SLC38A4: variants seen among roughly 807,000 people sequenced by gnomAD.
SLC38A4 encodes solute carrier family 38 member 4.
In SLC38A4, 20 loss-of-function variants were observed where a neutral mutation model predicts 63.1. The ratio of observed to expected loss-of-function variants is 0.32; its 90% CI spans 0.22 to 0.46. The LOEUF (loss-of-function observed/expected upper bound fraction) is 0.46. Ranked by LOEUF, SLC38A4 falls within the 20% of genes least tolerant of loss-of-function variation. The probability of loss-of-function intolerance (pLI) is 1.00; values close to 1 mark genes in which losing one functional copy is unlikely to be tolerated. For missense variants in SLC38A4, 526 were observed against 663.6 expected, an observed-to-expected ratio of 0.79 and a Z score of 2.28; for synonymous variants, 230 against 225.5, an observed-to-expected ratio of 1.02 and a Z score of -0.18.
chr12:46,787,890 A>G, intron 5 of SLC38A4, 26 bp downstream of exon 5: 1 of 1,525,996 alleles, frequency 6.6e-7, no homozygotes. Flanking sequence ...CTTCATCACC[A>G]AATGTAGACA....
In SLC38A4 at chr12:46,821,965, C is replaced by T. The variant is rs144858289; in HGVS notation, c.-305+3938G>A. ...TAAACGTGATTGTTTTGTTAATTTCCTGACAGAATAGTTCATTGTCAACAT... is the reference window on the plus strand; with the variant it reads ...TAAACGTGATTGTTTTGTTAATTTCTTGACAGAATAGTTCATTGTCAACAT... On this transcript the variant is annotated intron_variant, in intron 1 of 16. Transcript: ENST00000266579. 3.1e-3 allele frequency among the ~76,000 whole-genome samples: 475 copies of T among 152,068 alleles called. 4 individuals carry two copies. The highest frequency in any genetic ancestry group is 5.6e-3 in the South Asian group (27 of 4,816).
intron 2 of SLC38A4, among the ~76,000 whole-genome samples, chr12:46,801,065 A>C (rs1939123330): frequency 6.6e-6 from 1 of 152,206 alleles, no homozygotes; most frequent in Non-Finnish European, 1.5e-5. Context: ...TCGCAGAAAC[A>C]GACTGGATTT....
intron 3 of SLC38A4, 41 bp from the exon 4 acceptor site, chr12:46,788,659 AAATATATGCTCTGAATCATATGTATG>A: frequency 6.6e-7 from 1 of 1,510,578 alleles, no homozygotes; most frequent in Non-Finnish European, 9.2e-7. Context: ...GAAAACATCT[AAATATATGCTCTGAATCATATGTATG>A]TTTCAGGTGA....
chr12:46,793,734 G>A (rs1166485033), intron 2 of SLC38A4, among the ~76,000 whole-genome samples: 4 of 152,108 alleles, frequency 2.6e-5, no homozygotes, highest in African/African-American at 9.7e-5. Flanking sequence ...TAGGCACTTG[G>A]ATCCTGAAGC....
intron 3 of SLC38A4, 65 bp downstream of exon 3, chr12:46,792,888 C>T (rs950424024): frequency 3.4e-6 from 4 of 1,172,068 alleles, no homozygotes; most frequent in Middle Eastern, 3.8e-4. Context: ...CCATCAAGAC[C>T]CTGTTTTCCA....
At chr12:46,815,341 C>A (rs1360820295) in intron 1 of SLC38A4, among the ~76,000 whole-genome samples, 1 of 147,136 alleles carries the variant, frequency 6.8e-6, no homozygotes, top group South Asian at 2.2e-4. Flanking sequence ...ATTGAGATGG[C>A]CTTCCTTTTA....
Position 46,766,376 on chromosome 12 carries a change from G to A in SLC38A4, c.*325C>T, listed in dbSNP as rs1031609981. ...CAGGATGAGGAGACGGCAGGGGAAA[G>A]AGTACTATCTGATGATTGTTACATG... On this transcript the variant is annotated 3_prime_UTR_variant, in exon 17 of 17. Coordinates refer to ENST00000266579, the MANE Select transcript of SLC38A4 (RefSeq NM_018018.5). 8.4e-6 allele frequency: 4 copies of A among 476,506 alleles called. No homozygotes were observed. The highest frequency in any genetic ancestry group is 7.0e-5 in the Admixed American group (3 of 43,116). The allele number at this position is 476,506 out of a possible 1,614,324, so 29.5% of individuals were successfully genotyped here.
At chr12:46,795,830 AT>A (rs34594658) in intron 2 of SLC38A4, among the ~76,000 whole-genome samples, 7,954 of 152,014 alleles carry the variant, frequency 0.052, 522 homozygotes, top group East Asian at 0.25. Context: ...TTTTCTGAGG[AT>A]TTCAGAATTT....
rs781482200 is a variant in SLC38A4, at chr12:46,778,690, T to G, written c.804A>C (p.Pro268=). The G allele has an allele frequency of 1.9e-6, 3 of 1,612,898 alleles. No individual in the cohort carries two copies. In the Admixed American group the frequency reaches 5.0e-5, roughly 27 times the overall value. ...TGTTGGGTAACATTACCACATGCATTGGAAGCGTGTTGTTGAATGACAGAT... is the reference window on the plus strand; with the variant it reads ...TGTTGGGTAACATTACCACATGCATGGGAAGCGTGTTGTTGAATGACAGAT... The part of the protein sequence containing the change: ...VGNLSFNNTL[P]MHVVMLPNNS... The change falls in exon 11 of 17, where the codon CCA becomes CCC. Residue 268 remains proline, a synonymous_variant. Transcript: ENST00000266579.
At chr12:46,793,553 T>C (rs1282107393) in intron 2 of SLC38A4, among the ~76,000 whole-genome samples, 1 of 152,132 alleles carries the variant, frequency 6.6e-6, no homozygotes, top group Admixed American at 6.6e-5. Context: ...AAGACAAAAG[T>C]AAATTGTTGA....
Position 46,778,844 on chromosome 12 carries a change from A to G in SLC38A4, c.718-68T>C, listed in dbSNP as rs984597021. 2.6e-5 allele frequency: 38 copies of G among 1,459,958 alleles called. No individual in the cohort carries two copies. The East Asian group carries it at 5.3e-4, about 20-fold the overall frequency. 90.4% of individuals were successfully genotyped at this position (1,459,958 alleles called of 1,614,324 possible). ...AGAAAAAACAATGAAATAAGAATCCATATGTGTGGCTTATAGGGTGGGGGG... is the reference window on the plus strand; with the variant it reads ...AGAAAAAACAATGAAATAAGAATCCGTATGTGTGGCTTATAGGGTGGGGGG... On this transcript the variant is annotated intron_variant, in intron 10 of 16. Coordinates refer to ENST00000266579, the MANE Select transcript of SLC38A4 (RefSeq NM_018018.5).
Position 46,766,564 on chromosome 12 carries a change from G to C in SLC38A4, c.*137C>G. ...GATTTTCCTCTTCTGCAGGTGCCTG[G>C]TGATATTACTGGTAAACGTCTTTGG... On this transcript the variant is annotated 3_prime_UTR_variant, in exon 17 of 17. Coordinates refer to ENST00000266579, the MANE Select transcript of SLC38A4 (RefSeq NM_018018.5). 1 of 724,580 alleles carries C rather than the reference G, an allele frequency of 1.4e-6. No individual in the cohort carries two copies. 44.9% of individuals were successfully genotyped at this position (724,580 alleles called of 1,614,324 possible).
intron 1 of SLC38A4, among the ~76,000 whole-genome samples, chr12:46,806,953 A>AAAG (rs1939245900): frequency 6.6e-6 from 1 of 151,990 alleles, no homozygotes; most frequent in African/African-American, 2.4e-5. Flanking sequence ...CAATGACCTT[A>AAAG]AAGAGAAAGT....
intron 1 of SLC38A4, among the ~76,000 whole-genome samples, chr12:46,817,511 G>A (rs1476246141): frequency 6.6e-6 from 1 of 151,672 alleles, no homozygotes; most frequent in Non-Finnish European, 1.5e-5. Context: ...TTTTAACCTG[G>A]TGCACGAAAA....
At chr12:46,826,123 C>T (rs1939648760), upstream of SLC38A4, 1 of 152,286 alleles carries the variant, frequency 6.6e-6, no homozygotes, top group Admixed American at 6.5e-5. Context: ...CCAAAGTTGC[C>T]TGTTGGTAAA....
At chr12:46,829,896 C>G (rs1939706685), upstream of SLC38A4, among the ~76,000 whole-genome samples, 2 of 152,148 alleles carry the variant, frequency 1.3e-5, no homozygotes, top group African/African-American at 4.8e-5. Flanking sequence ...ATTTTCTGAT[C>G]TATAAAATGG....
chr12:46,800,547 C>A (rs1242804900), intron 2 of SLC38A4, among the ~76,000 whole-genome samples: 1 of 152,022 alleles, frequency 6.6e-6, no homozygotes, highest in Non-Finnish European at 1.5e-5. Context: ...ACTAAAACAA[C>A]CTGAAAATCT....
intron 3 of SLC38A4, among the ~76,000 whole-genome samples, chr12:46,792,296 C>T (rs978876556): frequency 1.3e-5 from 2 of 151,940 alleles, no homozygotes; most frequent in East Asian, 1.9e-4. Flanking sequence ...TATGACTGAC[C>T]GTTGGCTATG....
chr12:46,807,320 T>C (rs1939253143), intron 1 of SLC38A4, among the ~76,000 whole-genome samples: 2 of 152,014 alleles, frequency 1.3e-5, no homozygotes, highest in Admixed American at 1.3e-4. Flanking sequence ...TATACAACAT[T>C]GTATTTATGA....
Sources: allele counts gnomAD v4.1 joint callset (sites outside exome capture counted in the v4.1 genomes callset), GRCh38; gene constraint gnomAD v4.1.1; transcripts MANE v1.5; gene names NCBI Gene and HGNC (gene_info 2026-07-23, HGNC 2026-07-21).